PDE4D: variants seen among roughly 807,000 people sequenced by gnomAD.
PDE4D encodes 3',5'-cyclic-AMP phosphodiesterase 4D.
A neutral mutation model predicts 87.4 loss-of-function variants in PDE4D; 24 were observed. The observed-to-expected ratio is 0.27, with a 90% CI of 0.20 to 0.39. The LOEUF is 0.39. PDE4D is among the 10% of genes least tolerant of loss of function. The probability of loss-of-function intolerance (pLI) is 1.00; values close to 1 mark genes in which losing one functional copy is unlikely to be tolerated. For synonymous variants in PDE4D, 384 were observed against 383.2 expected (o/e 1.00, Z -0.02); for missense variants, 714 against 1,041.0 (o/e 0.69, Z 4.32).
intron 1 of PDE4D, among the ~76,000 whole-genome samples, chr5:59,405,514 C>T (rs1791457615): frequency 6.6e-6 from 1 of 152,212 alleles, no homozygotes; most frequent in Admixed American, 6.5e-5. Flanking sequence ...ATAATATCAT[C>T]TGCAAACAAG....
chr5:60,453,329 G>C (rs921454020), intron 1 of PDE4D, among the ~76,000 whole-genome samples: 1 of 152,192 alleles, frequency 6.6e-6, no homozygotes, highest in South Asian at 2.1e-4. Context: ...ACAAAGGAGA[G>C]ATTATACTCT....
intron 1 of PDE4D, among the ~76,000 whole-genome samples, chr5:59,631,847 C>CAGT (rs1561365487): frequency 6.6e-6 from 1 of 151,548 alleles, no homozygotes; most frequent in African/African-American, 2.4e-5. Context: ...GAGCTAGCTG[C>CAGT]AGTTTTTTTT....
chr5:59,426,173 T>A (rs1469198448), intron 1 of PDE4D, among the ~76,000 whole-genome samples: 2 of 152,228 alleles, frequency 1.3e-5, no homozygotes, highest in African/African-American at 4.8e-5. Flanking sequence ...CCAGACCTGC[T>A]GACACCTTGA....
intron 5 of PDE4D, among the ~76,000 whole-genome samples, chr5:59,053,645 GTTTT>G (rs1338731940): frequency 7.3e-5 from 5 of 68,800 alleles, no homozygotes; most frequent in African/African-American, 2.6e-4. Flanking sequence ...TTTGTTTTTT[GTTTT>G]TTTTTGTTGT....
At chr5:60,409,605 A>G (rs1481591256) in intron 1 of PDE4D, among the ~76,000 whole-genome samples, 2 of 152,142 alleles carry the variant, frequency 1.3e-5, no homozygotes, top group Non-Finnish European at 2.9e-5. Context: ...ATTTTGGAAA[A>G]CATCACTGTG....
chr5:60,374,041 CA>C (rs1761242748), intron 1 of PDE4D, among the ~76,000 whole-genome samples: 1 of 152,128 alleles, frequency 6.6e-6, no homozygotes, highest in Non-Finnish European at 1.5e-5. Context: ...GTTCCAGAGA[CA>C]TTTTTGAGTG....
intron 1 of PDE4D, among the ~76,000 whole-genome samples, chr5:59,777,253 C>G (rs1366058352): frequency 1.3e-5 from 2 of 152,174 alleles, no homozygotes; most frequent in African/African-American, 4.8e-5. Flanking sequence ...TGGTCCTGCT[C>G]TCAGGCTAAT....
intron 2 of PDE4D, among the ~76,000 whole-genome samples, chr5:60,130,123 T>G (rs1039435189): frequency 4.6e-5 from 7 of 152,180 alleles, no homozygotes; most frequent in Non-Finnish European, 8.8e-5. Context: ...CCAAATTTGC[T>G]GGTGCTTTGA....
chr5:60,327,226 G>T (rs143363809), intron 1 of PDE4D, among the ~76,000 whole-genome samples: 2 of 152,278 alleles, frequency 1.3e-5, no homozygotes, highest in Admixed American at 1.3e-4. Flanking sequence ...AAACCTAAAT[G>T]CTGTTATACT....
intron 2 of PDE4D, among the ~76,000 whole-genome samples, chr5:60,006,937 A>C (rs1764551975): frequency 6.6e-6 from 1 of 151,988 alleles, no homozygotes; most frequent in Non-Finnish European, 1.5e-5. Context: ...GCACCTCAGG[A>C]CTGCATTTTA....
intron 1 of PDE4D, among the ~76,000 whole-genome samples, chr5:59,269,546 G>A (rs565963202): frequency 4.8e-4 from 73 of 152,118 alleles, no homozygotes; most frequent in African/African-American, 1.7e-3. Context: ...ACTCTCCCGC[G>A]GTAAGGCAGC....
intron 2 of PDE4D, among the ~76,000 whole-genome samples, chr5:59,992,233 T>C (rs1462410345): frequency 6.6e-6 from 1 of 152,198 alleles, no homozygotes; most frequent in Non-Finnish European, 1.5e-5. Flanking sequence ...TGATGAGAAT[T>C]ATAGAATCAT....
chr5:59,587,621 A>ACTCTG, intron 1 of PDE4D: 1 of 984,860 alleles, frequency 1.0e-6, no homozygotes, highest in Non-Finnish European at 1.2e-6. Flanking sequence ...CTGTACATTA[A>ACTCTG]CTCTGCAGCA....
chr5:59,723,265 G>C (rs573078883), intron 1 of PDE4D, among the ~76,000 whole-genome samples: 1 of 151,994 alleles, frequency 6.6e-6, no homozygotes, highest in Non-Finnish European at 1.5e-5. Context: ...CAATCTCCTG[G>C]GTCCTCTAGT....
chr5:60,093,358 A>G (rs537224415), intron 2 of PDE4D, among the ~76,000 whole-genome samples: 14 of 152,300 alleles, frequency 9.2e-5, no homozygotes, highest in African/African-American at 3.4e-4. Context: ...GAGGTGACCA[A>G]AGGAGGGGTG....
intron 1 of PDE4D, among the ~76,000 whole-genome samples, chr5:59,355,138 G>A (rs997082463): frequency 6.6e-6 from 1 of 152,126 alleles, no homozygotes; most frequent in African/African-American, 2.4e-5. Flanking sequence ...AGCTGCTAAT[G>A]CTTATATTTT....
At chr5:59,986,090 C>T (rs558500441) in intron 3 of PDE4D, among the ~76,000 whole-genome samples, 1 of 152,332 alleles carries the variant, frequency 6.6e-6, no homozygotes, top group Non-Finnish European at 1.5e-5. Flanking sequence ...CTCTCTCTGA[C>T]ACCCAGGCCA....
At chr5:60,275,277 G>T (rs1042426678) in intron 1 of PDE4D, among the ~76,000 whole-genome samples, 10 of 152,250 alleles carry the variant, frequency 6.6e-5, no homozygotes, top group African/African-American at 2.4e-4. Flanking sequence ...CATTACATAA[G>T]TAAGGAAATG....
intron 1 of PDE4D, among the ~76,000 whole-genome samples, chr5:59,348,873 C>T (rs1405946240): frequency 6.6e-6 from 1 of 151,906 alleles, no homozygotes; most frequent in South Asian, 2.1e-4. Context: ...GGGAGGATAA[C>T]TTGAGGCCAA....
Sources: gnomAD v4.1 joint callset for allele counts (sites outside exome capture counted in the v4.1 genomes callset) on GRCh38, gnomAD v4.1.1 for gene constraint, MANE v1.5 for transcripts, NCBI Gene and HGNC (gene_info 2026-07-23, HGNC 2026-07-21) for gene names.